Variants in CLASP2 observed in about 807,000 individuals in gnomAD.
The protein encoded by CLASP2 is CLIP-associating protein 2.
CLASP2 carries 47 observed loss-of-function variants against 194.4 expected under a neutral mutation model. The ratio of observed to expected loss-of-function variants is 0.24; its 90% CI spans 0.19 to 0.31. The LOEUF (loss-of-function observed/expected upper bound fraction) is 0.31. Among genes scored for constraint, CLASP2 ranks in the 10% least tolerant of loss-of-function variants. The pLI, the probability that CLASP2 is intolerant of heterozygous loss-of-function variation, is 1.00. For missense variants in CLASP2, 1,445 were observed against 1,823.6 expected (o/e 0.79, Z 3.78); for synonymous variants, 619 against 633.5 (o/e 0.98, Z 0.34).
At chr3:33,613,097 A>G (rs1028944164) in intron 12 of CLASP2, among the ~76,000 whole-genome samples, 12 of 152,336 alleles carry the variant, frequency 7.9e-5, no homozygotes, top group Admixed American at 3.3e-4. Context: ...CTAATTTGAC[A>G]CTGACACATG....
intron 8 of CLASP2, among the ~76,000 whole-genome samples, chr3:33,640,490 T>G (rs2081076126): frequency 6.6e-6 from 1 of 152,148 alleles, no homozygotes; most frequent in South Asian, 2.1e-4. Context: ...TCTTTGACAT[T>G]AGATAGAAAC....
rs2045994361 is a variant in CLASP2, at chr3:33,497,830, CA to C, written c.*800del. On this transcript the variant is annotated 3_prime_UTR_variant, in exon 39 of 39. Coordinates refer to ENST00000682230, the MANE Select transcript of CLASP2 (RefSeq NM_001365631.1). ...TTAATAAATACAAAAAAGCATCATT[CA>C]CAACAAAGATATAAACAAACCAAAA... 1 of 152,514 alleles carries C rather than the reference CA, an allele frequency of 6.6e-6. No individual in the cohort carries two copies. The highest frequency in any genetic ancestry group is 1.5e-5 in the Non-Finnish European group (1 of 68,032). 9.4% of individuals were successfully genotyped at this position (152,514 alleles called of 1,614,324 possible). A position where few individuals can be genotyped will look rare whatever the true frequency, so the allele number is the denominator to read the frequency against.
intron 37 of CLASP2, 169 bp from the exon 38 acceptor site, chr3:33,501,937 T>C (rs2046943828): frequency 1.8e-6 from 1 of 560,066 alleles, no homozygotes; most frequent in Non-Finnish European, 3.2e-6. Context: ...ACAATGCCCT[T>C]CTCTCCCTTC....
At chr3:33,551,497 T>A (rs2059998292) in intron 29 of CLASP2, 102 bp from the exon 30 acceptor site, 2 of 1,174,306 alleles carry the variant, frequency 1.7e-6, no homozygotes, top group Non-Finnish European at 1.2e-6. Flanking sequence ...TTTTTTTTTT[T>A]ATATACAGAT....
rs762518501 is a variant in CLASP2, at chr3:33,602,937, A to G, written c.1924+15T>C. 5.0e-6 allele frequency: 8 copies of G among 1,602,986 alleles called. No individual in the cohort carries two copies. In the East Asian group the frequency reaches 1.3e-4, roughly 27 times the overall value. On this transcript the variant is annotated intron_variant, in intron 18 of 38. Transcript: ENST00000682230. ...GAGAGAACATGGTACAATTTTCCAT[A>G]ATCAGTTCTCTTACCTAGTGACGCA...
intron 9 of CLASP2, among the ~76,000 whole-genome samples, chr3:33,629,332 G>A (rs1163033816): frequency 1.3e-5 from 2 of 152,148 alleles, no homozygotes; most frequent in African/African-American, 4.8e-5. Context: ...TAAGGAAGCA[G>A]AAAATACTAG....
chr3:33,644,816 G>A lies in CLASP2; in HGVS notation c.803C>T (p.Ser268Phe). The A allele has an allele frequency of 6.2e-7, 1 of 1,613,142 alleles. No individual in the cohort carries two copies. Among genetic ancestry groups the A allele is most frequent in the Non-Finnish European group, 8.5e-7 (1 of 1,179,574 alleles). ...CCTTGCACTGTTGGCAGGATTTCCG[G>A]ATGTTTTAGGTGCAGGAACCTTGAA... ...SAFKVPAPKTSGNPANSARKP... is the reference protein window; with the variant it reads ...SAFKVPAPKTFGNPANSARKP... Residue 268 changes from serine (S) to phenylalanine (F), a missense_variant, in exon 8 of 39, where the codon TCC becomes TTC. This residue lies in a region of CLASP2 where 207 missense variants were observed against 331.4 expected (regional missense o/e 0.62). Coordinates refer to ENST00000682230, the MANE Select transcript of CLASP2 (RefSeq NM_001365631.1).
At chr3:33,581,730 A>C in intron 23 of CLASP2, 91 bp downstream of exon 23, 1 of 830,764 alleles carries the variant, frequency 1.2e-6, no homozygotes. Flanking sequence ...ATCTGTCGAC[A>C]AAGAAAGCTA....
chr3:33,638,585 C>T (rs1479337667), intron 8 of CLASP2, among the ~76,000 whole-genome samples: 1 of 152,200 alleles, frequency 6.6e-6, no homozygotes, highest in Non-Finnish European at 1.5e-5. Context: ...GGATTACAGG[C>T]ATGAGCCACC....
chr3:33,650,773 G>A (rs910658198), intron 7 of CLASP2, among the ~76,000 whole-genome samples: 1 of 152,076 alleles, frequency 6.6e-6, no homozygotes, highest in Non-Finnish European at 1.5e-5. Flanking sequence ...AGGAGTACAA[G>A]AAGGGAGAAG....
At chr3:33,682,823 TAAG>T (rs2090048544) in intron 6 of CLASP2, among the ~76,000 whole-genome samples, 1 of 152,160 alleles carries the variant, frequency 6.6e-6, no homozygotes, top group Admixed American at 6.5e-5. Flanking sequence ...TGGCTAGAAG[TAAG>T]GATAGATGGG....
chr3:33,590,685 C>T (rs1363702608), intron 21 of CLASP2, among the ~76,000 whole-genome samples: 1 of 152,118 alleles, frequency 6.6e-6, no homozygotes, highest in Non-Finnish European at 1.5e-5. Context: ...AATCATTATT[C>T]TGCCTGGATT....
At chr3:33,591,033 G>A (rs771407293) in intron 21 of CLASP2, among the ~76,000 whole-genome samples, 5 of 151,774 alleles carry the variant, frequency 3.3e-5, no homozygotes, top group Non-Finnish European at 7.4e-5. Context: ...AAAATTAGCC[G>A]GGAGTGGTGG....
chr3:33,554,952 G>A (rs1197621075), intron 29 of CLASP2: 1 of 152,160 alleles, frequency 6.6e-6, no homozygotes, highest in Non-Finnish European at 1.5e-5. Flanking sequence ...TGAATATGTG[G>A]GGTAAGAAAT....
chr3:33,714,572 G>A (rs563984470), intron 1 of CLASP2, among the ~76,000 whole-genome samples: 153 of 152,168 alleles, frequency 1.0e-3, no homozygotes, highest in Non-Finnish European at 1.9e-3. Context: ...CAATCCACCA[G>A]GAGCTCCTGT....
intron 34 of CLASP2, among the ~76,000 whole-genome samples, chr3:33,522,819 C>T (rs1290342826): frequency 6.6e-6 from 1 of 152,132 alleles, no homozygotes; most frequent in African/African-American, 2.4e-5. Flanking sequence ...GCCTGTAATC[C>T]CAGCACTTTG....
Position 33,645,717 on chromosome 3 carries a change from G to A in CLASP2, c.716-814C>T, listed in dbSNP as rs570112616. On this transcript the variant is annotated intron_variant, in intron 7 of 38. Coordinates refer to ENST00000682230, the MANE Select transcript of CLASP2 (RefSeq NM_001365631.1). ...GGTTTTATGCAATATTCATTCTGCT[G>A]GGATGCTTATTGCATCAGTAAAGCA... Among the ~76,000 whole-genome samples, 35 of 152,120 alleles carry A rather than the reference G, an allele frequency of 2.3e-4. No individual in the cohort carries two copies. The South Asian group carries it at 7.1e-3, about 31-fold the overall frequency.
Position 33,659,365 on chromosome 3 carries a change from C to A in CLASP2, c.715+4080G>T, listed in dbSNP as rs1040451621. The A allele has an allele frequency of 1.4e-5, 15 of 1,068,426 alleles. No individual in the cohort carries two copies. The African/African-American group carries it at 2.3e-4, about 17-fold the overall frequency. 66.2% of individuals were successfully genotyped at this position (1,068,426 alleles called of 1,614,324 possible). On this transcript the variant is annotated intron_variant, in intron 7 of 38. Coordinates refer to ENST00000682230, the MANE Select transcript of CLASP2 (RefSeq NM_001365631.1). ...CCATCCCGCTGGGGGACTTTTAATG[C>A]AATCATCAAAACACAAGGCATGTGT...
chr3:33,577,404 C>A, intron 23 of CLASP2: 1 of 601,710 alleles, frequency 1.7e-6, no homozygotes, highest in East Asian at 3.1e-5. Flanking sequence ...CCAAATAGGG[C>A]AATGGAACAT....
Sources: gnomAD v4.1 joint callset for allele counts (sites outside exome capture counted in the v4.1 genomes callset) on GRCh38, gnomAD v4.1.1 for gene constraint, gnomAD v4.1.1 regional missense constraint, MANE v1.5 for transcripts, NCBI Gene and HGNC (gene_info 2026-07-23, HGNC 2026-07-21) for gene names.